Variants in CCDC179 observed in about 807,000 individuals in gnomAD.
The protein encoded by CCDC179 is coiled-coil domain-containing protein 179.
A neutral mutation model predicts 12.0 loss-of-function variants in CCDC179; 17 were observed. The ratio of observed to expected loss-of-function variants is 1.42; its 90% CI spans 0.97 to 2.13. The LOEUF (loss-of-function observed/expected upper bound fraction) is 2.13, where lower values mean the gene tolerates loss of function less well. Among genes scored for constraint, CCDC179 ranks in the 30% most tolerant of loss-of-function variants. The pLI is 0.00. For missense variants in CCDC179, 83 were observed against 78.6 expected (o/e 1.06, Z -0.21); for synonymous variants, 27 against 26.4 (o/e 1.02, Z -0.07).
At chr11:22,856,521 G>A (rs986024181) in intron 3 of CCDC179, among the ~76,000 whole-genome samples, 1 of 151,268 alleles carries the variant, frequency 6.6e-6, no homozygotes, top group African/African-American at 2.4e-5. Context: ...CACTTCATAA[G>A]GAACATCTCT....
intron 1 of CCDC179, 111 bp downstream of exon 1, chr11:22,860,266 C>T: frequency 2.4e-6 from 3 of 1,269,334 alleles, no homozygotes; most frequent in Middle Eastern, 1.9e-4. Context: ...CCCCCAGCAC[C>T]AAACCACATT....
intron 3 of CCDC179, among the ~76,000 whole-genome samples, chr11:22,847,757 G>C (rs905000076): frequency 1.3e-5 from 2 of 152,102 alleles, no homozygotes; most frequent in African/African-American, 4.8e-5. Context: ...CATATCTGAA[G>C]ATGGATATGA....
Position 22,860,412 on chromosome 11 carries a change from A to G in CCDC179, c.10T>C (p.Tyr4His). MCL[Y>H]CWDIEPSQVN... The stretch of plus-strand genomic sequence containing the variant: ...TGGGAAGGCTCGATGTCCCAGCAAT[A>G]CAGGCACATGCCGTGGAGCCTTAGG... Residue 4 changes from tyrosine to histidine, a missense_variant, in exon 1 of 4, where the codon TAT (tyrosine) becomes CAT (histidine). Tyr to His is a moderately conservative substitution (Grantham distance 83). Coordinates refer to ENST00000532798, the MANE Select transcript of CCDC179 (RefSeq NM_001195637.2). 6.5e-7 allele frequency: 1 copy of G among 1,535,520 alleles called. No homozygotes were observed. The highest frequency in any genetic ancestry group is 8.7e-7 in the Non-Finnish European group (1 of 1,146,624).
intron 3 of CCDC179, among the ~76,000 whole-genome samples, chr11:22,855,732 A>G (rs1344692251): frequency 1.3e-5 from 2 of 151,466 alleles, no homozygotes; most frequent in East Asian, 3.9e-4. Flanking sequence ...ACAGAATGCA[A>G]TAGAGAAAAT....
chr11:22,853,195 T>TAC (rs1390995906), intron 3 of CCDC179, among the ~76,000 whole-genome samples: 1 of 152,128 alleles, frequency 6.6e-6, no homozygotes, highest in Non-Finnish European at 1.5e-5. Context: ...TGTTACCCAA[T>TAC]ACATCATATC....
At chr11:22,856,018 AAATT>A (rs1243230442) in intron 3 of CCDC179, among the ~76,000 whole-genome samples, 2 of 151,408 alleles carry the variant, frequency 1.3e-5, no homozygotes, top group Non-Finnish European at 3.0e-5. Flanking sequence ...TCTATTTAAA[AAATT>A]AATTAATAAT....
chr11:22,859,630 G>T (rs550537984), intron 1 of CCDC179, 134 bp from the exon 2 acceptor site: 3 of 462,078 alleles, frequency 6.5e-6, no homozygotes, highest in South Asian at 1.8e-4. Flanking sequence ...ATAAGAAGCA[G>T]GTTAAAAAAA....
intron 3 of CCDC179, among the ~76,000 whole-genome samples, chr11:22,849,975 A>C (rs1236331798): frequency 1.3e-5 from 2 of 152,086 alleles, no homozygotes; most frequent in Non-Finnish European, 2.9e-5. Context: ...AGGCTTGAGG[A>C]GGCGTCTGAT....
intron 3 of CCDC179, among the ~76,000 whole-genome samples, chr11:22,848,737 A>G (rs1419123255): frequency 1.3e-5 from 2 of 152,228 alleles, no homozygotes; most frequent in African/African-American, 4.8e-5. Flanking sequence ...TGCAAAATGT[A>G]TAAGAGATGA....
chr11:22,850,136 C>CA (rs1858337567), intron 3 of CCDC179, among the ~76,000 whole-genome samples: 1 of 152,148 alleles, frequency 6.6e-6, no homozygotes, highest in Non-Finnish European at 1.5e-5. Context: ...ACGTGGCTGG[C>CA]AGAGAAGGGA....
At chr11:22,858,520 A>G (rs772027969) in intron 2 of CCDC179, among the ~76,000 whole-genome samples, 11 of 145,232 alleles carry the variant, frequency 7.6e-5, no homozygotes, top group Non-Finnish European at 1.5e-4. Context: ...GTAATAGAAT[A>G]GAAAGGATAT....
intron 3 of CCDC179, among the ~76,000 whole-genome samples, chr11:22,851,113 T>G (rs1858390869): frequency 6.7e-6 from 1 of 149,682 alleles, no homozygotes; most frequent in African/African-American, 2.5e-5. Flanking sequence ...TAGGCATATT[T>G]TAATGCTTAA....
At chr11:22,853,378 A>G (rs1353855528) in intron 3 of CCDC179, among the ~76,000 whole-genome samples, 5 of 152,200 alleles carry the variant, frequency 3.3e-5, no homozygotes, top group African/African-American at 1.2e-4. Flanking sequence ...AGAAGTGGAC[A>G]TGATGCAAGA....
intron 3 of CCDC179, among the ~76,000 whole-genome samples, chr11:22,855,719 A>G (rs1329805663): frequency 6.6e-6 from 1 of 151,498 alleles, no homozygotes; most frequent in Non-Finnish European, 1.5e-5. Context: ...TGTGAAATTG[A>G]AAACAGAATG....
At chr11:22,847,777 A>C (rs1858260109) in intron 3 of CCDC179, among the ~76,000 whole-genome samples, 1 of 152,168 alleles carries the variant, frequency 6.6e-6, no homozygotes. Context: ...ATATAAAACA[A>C]TTCTCTATAA....
rs868198970 is a variant in CCDC179 at position 22,851,546 on chromosome 11, G to T, written c.196-4025C>A. Among the ~76,000 whole-genome samples the T allele has an allele frequency of 1.2e-4, 19 of 152,270 alleles. No homozygotes were observed. In the South Asian group the frequency reaches 2.7e-3, roughly 22 times the overall value. On this transcript the variant is annotated intron_variant, in intron 3 of 3. Transcript: ENST00000532798. ...AAATTTAAGTGGAGCTTTCCAGCCT[G>T]ACATATAAAGAGCTTGCAAATTGTT...
chr11:22,858,120 A>G, intron 2 of CCDC179, 94 bp from the exon 3 acceptor site: 1 of 684,264 alleles, frequency 1.5e-6, no homozygotes, highest in Non-Finnish European at 2.3e-6. Flanking sequence ...TCAATAAAAA[A>G]GGTAAACACC....
chr11:22,849,380 T>C (rs987590746), intron 3 of CCDC179, among the ~76,000 whole-genome samples: 1 of 152,220 alleles, frequency 6.6e-6, no homozygotes, highest in Admixed American at 6.5e-5. Flanking sequence ...TTCTTACTTA[T>C]TTGTGAAACA....
At chr11:22,855,046 C>T (rs1223794976) in intron 3 of CCDC179, among the ~76,000 whole-genome samples, 1 of 151,492 alleles carries the variant, frequency 6.6e-6, no homozygotes, top group Non-Finnish European at 1.5e-5. Context: ...AACAGAACGT[C>T]AAAATATGTG....
Sources: gnomAD v4.1 joint callset for allele counts (sites outside exome capture counted in the v4.1 genomes callset) on GRCh38, gnomAD v4.1.1 for gene constraint, MANE v1.5 for transcripts, NCBI Gene and HGNC (gene_info 2026-07-23, HGNC 2026-07-21) for gene names.